The following PTPRN2 variants were observed in gnomAD, a reference collection of about 807,000 sequenced individuals.
PTPRN2 encodes protein tyrosine phosphatase receptor type N2.
In PTPRN2, 74 loss-of-function variants were observed where a neutral mutation model predicts 118.8. The observed-to-expected ratio is 0.62, with a 90% CI of 0.52 to 0.76. PTPRN2 has a LOEUF of 0.76. Among genes scored for constraint, PTPRN2 ranks in the 30% least tolerant of loss-of-function variants. The pLI is 0.00. For synonymous variants in PTPRN2, 641 were observed against 608.0 expected (o/e 1.05, Z -0.80); for missense variants, 1,481 against 1,394.4 (o/e 1.06, Z -0.99).
intron 3 of PTPRN2, among the ~76,000 whole-genome samples, chr7:158,301,675 G>C (rs187839593): frequency 6.6e-6 from 1 of 152,172 alleles, no homozygotes; most frequent in African/African-American, 2.4e-5. Context: ...TTTGCTGGGC[G>C]TGGTGGCCCA....
intron 9 of PTPRN2, among the ~76,000 whole-genome samples, chr7:158,119,749 T>A (rs188390827): frequency 1.3e-5 from 2 of 152,328 alleles, no homozygotes; most frequent in Admixed American, 1.3e-4. Context: ...TAGGTATGTA[T>A]GTATAGGAAA....
chr7:157,728,172 C>T (rs1799702314), intron 12 of PTPRN2, among the ~76,000 whole-genome samples: 1 of 152,202 alleles, frequency 6.6e-6, no homozygotes, highest in African/African-American at 2.4e-5. Context: ...GTCCGGGTCC[C>T]ACGAAGCCAG....
At chr7:158,406,370 C>T (rs76447233) in intron 2 of PTPRN2, among the ~76,000 whole-genome samples, 124 of 53,842 alleles carry the variant, frequency 2.3e-3, no homozygotes, top group African/African-American at 0.011. Flanking sequence ...ACTGAGATCC[C>T]GCAGTGGCTC....
At chr7:158,196,195 T>C (rs990759417) in intron 4 of PTPRN2, among the ~76,000 whole-genome samples, 1 of 152,220 alleles carries the variant, frequency 6.6e-6, no homozygotes, top group Non-Finnish European at 1.5e-5. Context: ...CACAAGGTCA[T>C]CAGTCATCTA....
intron 2 of PTPRN2, among the ~76,000 whole-genome samples, chr7:158,344,330 G>A (rs1421762471): frequency 6.6e-6 from 1 of 152,156 alleles, no homozygotes; most frequent in Non-Finnish European, 1.5e-5. Context: ...ATGGGGCTGA[G>A]CCATCATCAG....
chr7:157,554,018 G>A (rs1344577603), intron 21 of PTPRN2, among the ~76,000 whole-genome samples: 1 of 129,746 alleles, frequency 7.7e-6, no homozygotes, highest in Non-Finnish European at 1.7e-5. Context: ...GCATGGGTGC[G>A]GCCAGGCCGG....
chr7:158,387,945 C>A (rs916646305), intron 2 of PTPRN2, among the ~76,000 whole-genome samples: 13 of 152,198 alleles, frequency 8.5e-5, no homozygotes, highest in African/African-American at 3.1e-4. Context: ...TCTGTCTGTA[C>A]ACACACATAT....
At chr7:157,898,594 C>T (rs1352404970) in intron 12 of PTPRN2, 79 bp downstream of exon 12, 12 of 1,394,074 alleles carry the variant, frequency 8.6e-6, no homozygotes, top group Non-Finnish European at 1.2e-5. Context: ...GCAGGTCCAG[C>T]CTCTGTTCTC....
intron 12 of PTPRN2, among the ~76,000 whole-genome samples, chr7:157,737,262 A>C (rs1800353087): frequency 6.6e-6 from 1 of 152,214 alleles, no homozygotes; most frequent in African/African-American, 2.4e-5. Context: ...AGGGCTGAGA[A>C]GCCCAAGCTC....
chr7:158,345,132 A>G (rs1003366341), intron 2 of PTPRN2, among the ~76,000 whole-genome samples: 2 of 152,150 alleles, frequency 1.3e-5, no homozygotes, highest in African/African-American at 4.8e-5. Context: ...CAGGACCCCC[A>G]CAGTCCACGT....
rs1483147528 is a variant in PTPRN2, at chr7:157,861,882, A to G, written c.1788+36791T>C. On this transcript the variant is annotated intron_variant, in intron 12 of 22. Coordinates refer to ENST00000389418, the MANE Select transcript of PTPRN2 (RefSeq NM_002847.5). The surrounding 1 kb of genome is among the most constrained non-coding windows in gnomAD (Gnocchi z 5.8). ...CTGTGTGCCGGAGTCTGTCCTCCCC[A>G]TCACAGGGACACTGCTGCTTCGAGG... 1.3e-5 allele frequency among the ~76,000 whole-genome samples: 2 copies of G among 149,418 alleles called. No homozygotes were observed. Among genetic ancestry groups the G allele is most frequent in the Non-Finnish European group, 3.0e-5 (2 of 67,346 alleles).
rs1308922835 is a variant in PTPRN2 at position 158,272,151 on chromosome 7, G to C, written c.277+44668C>G. Among the ~76,000 whole-genome samples the C allele has an allele frequency of 2.6e-5, 4 of 152,276 alleles. No individual in the cohort carries two copies. In the East Asian group the frequency reaches 7.7e-4, roughly 29 times the overall value. ...CATCAGGTGACTATGCACACTTCGT[G>C]CTGAGCTGGCAGAGGAGGGTCTAGA... On this transcript the variant is annotated intron_variant, in intron 3 of 22. Transcript: ENST00000389418.
intron 3 of PTPRN2, among the ~76,000 whole-genome samples, chr7:158,276,371 A>C (rs1198732836): frequency 2.1e-4 from 1 of 4,680 alleles, no homozygotes; most frequent in African/African-American, 5.2e-4. Context: ...CAGCACCCCC[A>C]CACCCCGGCC....
intron 3 of PTPRN2, among the ~76,000 whole-genome samples, chr7:158,257,841 C>G (rs1445366256): frequency 1.3e-5 from 2 of 152,254 alleles, no homozygotes; most frequent in Non-Finnish European, 2.9e-5. Flanking sequence ...TGGTGAGGGC[C>G]ACAGCCCATG....
intron 11 of PTPRN2, among the ~76,000 whole-genome samples, chr7:158,070,998 CT>C (rs1563388833): frequency 1.1e-5 from 1 of 93,400 alleles, no homozygotes; most frequent in Admixed American, 1.1e-4. Flanking sequence ...GGTGGAGGTG[CT>C]CATGGTGGTG....
intron 3 of PTPRN2, among the ~76,000 whole-genome samples, chr7:158,217,811 C>G (rs570520262): frequency 6.6e-6 from 1 of 152,258 alleles, no homozygotes; most frequent in African/African-American, 2.4e-5. Context: ...GAAGCATTAA[C>G]ATCAGAAGAG....
chr7:157,837,453 G>T (rs1035410587), intron 12 of PTPRN2, among the ~76,000 whole-genome samples: 1 of 151,446 alleles, frequency 6.6e-6, no homozygotes, highest in Admixed American at 6.6e-5. Flanking sequence ...GGTGGTGGAG[G>T]GGGGAGGCTG....
chr7:158,120,068 A>G (rs919403628), intron 9 of PTPRN2, among the ~76,000 whole-genome samples: 5 of 152,238 alleles, frequency 3.3e-5, no homozygotes, highest in African/African-American at 9.6e-5. Flanking sequence ...ATGAACCCTG[A>G]AACATGATGG....
At chr7:157,707,422 T>C (rs1798390647) in intron 12 of PTPRN2, among the ~76,000 whole-genome samples, 1 of 152,286 alleles carries the variant, frequency 6.6e-6, no homozygotes, top group South Asian at 2.1e-4. Context: ...GACACTATAT[T>C]AGCTTCCCAT....
Sources: gnomAD v4.1 joint callset for allele counts (sites outside exome capture counted in the v4.1 genomes callset) on GRCh38, gnomAD v4.1.1 for gene constraint, Gnocchi (gnomAD v3.1) non-coding constraint, MANE v1.5 for transcripts, NCBI Gene and HGNC (gene_info 2026-07-23, HGNC 2026-07-21) for gene names.